LMF1: variants seen among roughly 807,000 people sequenced by gnomAD.
LMF1 encodes lipase maturation factor 1.
Under a neutral mutation model 60.6 loss-of-function variants are expected in LMF1, and 68 were observed. That is an observed-to-expected ratio of 1.12 (90% confidence interval 0.92 to 1.37). The LOEUF (loss-of-function observed/expected upper bound fraction) is 1.37. LMF1 is among the 40% of genes most tolerant of loss of function. The pLI, the probability that LMF1 is intolerant of heterozygous loss-of-function variation, is 0.00. For missense variants in LMF1, 948 were observed against 767.2 expected (o/e 1.24, Z -2.78); for synonymous variants, 418 against 324.7 (o/e 1.29, Z -3.09).
intron 2 of LMF1, among the ~76,000 whole-genome samples, chr16:934,805 C>T (rs946145877): frequency 2.0e-5 from 3 of 152,204 alleles, no homozygotes; most frequent in Non-Finnish European, 4.4e-5. Flanking sequence ...GAGGCAGAGC[C>T]GCGGGAAAGC....
chr16:920,125 G>A lies in LMF1; in HGVS notation c.515-9046C>T, dbSNP rs749089227. 4.6e-5 allele frequency among the ~76,000 whole-genome samples: 7 copies of A among 150,832 alleles called. No homozygotes were observed. The East Asian group carries it at 7.8e-4, about 17-fold the overall frequency. ...AGGACATCCACACCAGCCCTGGCCC[G>A]TCAGCTGGGCCCCCAACAAGACATT... On this transcript the variant is annotated intron_variant, in intron 3 of 10. Coordinates refer to ENST00000262301, the MANE Select transcript of LMF1 (RefSeq NM_022773.4).
chr16:955,336 C>G (rs2072663227), intron 1 of LMF1, among the ~76,000 whole-genome samples: 1 of 151,190 alleles, frequency 6.6e-6, no homozygotes, highest in Non-Finnish European at 1.5e-5. Flanking sequence ...CACACACACA[C>G]ATCTAAGTGA....
exon 1 of LMF1, chr16:981,148 G>T (rs991999944): frequency 2.0e-5 from 9 of 450,750 alleles, no homozygotes; most frequent in African/African-American, 1.6e-4. Flanking sequence ...GCGTTACCTG[G>T]ACGTGCGCTG....
At chr16:971,039 C>G, upstream of LMF1, 1 of 821,290 alleles carries the variant, frequency 1.2e-6, no homozygotes, top group Non-Finnish European at 1.6e-6. Context: ...CGCCCATTCT[C>G]GGAGGCCCCG....
intron 2 of LMF1, among the ~76,000 whole-genome samples, chr16:952,051 G>A (rs965631539): frequency 5.9e-5 from 9 of 152,162 alleles, no homozygotes; most frequent in African/African-American, 9.7e-5. Flanking sequence ...TGGGCGCCTC[G>A]GCAAAGTCAG....
intron 3 of LMF1, among the ~76,000 whole-genome samples, chr16:930,485 C>A (rs1191898898): frequency 3.3e-5 from 5 of 152,198 alleles, no homozygotes; most frequent in Middle Eastern, 6.8e-3. Context: ...CGCCTGAGCC[C>A]GGGAGGTCAA....
intron 3 of LMF1, among the ~76,000 whole-genome samples, chr16:925,036 G>A (rs1304207852): frequency 6.6e-6 from 1 of 152,244 alleles, no homozygotes; most frequent in Non-Finnish European, 1.5e-5. Context: ...CCCGTCCGCA[G>A]AGTGCTGGGT....
At chr16:913,169 C>T (rs1202435472) in intron 3 of LMF1, among the ~76,000 whole-genome samples, 3 of 152,250 alleles carry the variant, frequency 2.0e-5, no homozygotes, top group African/African-American at 7.2e-5. Context: ...TCCCTTTAGC[C>T]AGGGGGACGG....
intron 4 of LMF1, among the ~76,000 whole-genome samples, chr16:904,259 C>T (rs1189866706): frequency 8.2e-6 from 1 of 122,268 alleles, no homozygotes; most frequent in Non-Finnish European, 1.7e-5. Context: ...CTCTGCATCG[C>T]CCACAGGACG....
Position 870,008 on chromosome 16 carries a change from C to A in LMF1, c.1291G>T (p.Ala431Ser). Reference protein sequence around the residue: ...LQGTASSNASAPDAMWEDYEF... With the variant: ...LQGTASSNASSPDAMWEDYEF... Reference sequence around the variant, plus strand: ...TAGTCCTCCCACATGGCATCGGGGGCGCTGGCGTTGGAGCTGGCTGTGCCC... The same window carrying A: ...TAGTCCTCCCACATGGCATCGGGGGAGCTGGCGTTGGAGCTGGCTGTGCCC... The change falls in exon 9 of 11, where the codon GCC becomes TCC. Residue 431 changes from alanine (A) to serine (S), a missense_variant. Physicochemically the swap from Ala to Ser is moderately conservative, Grantham distance 99 (BLOSUM62 1). Transcript: ENST00000262301. The A allele has an allele frequency of 6.2e-7, 1 of 1,612,980 alleles. No homozygotes were observed. The highest frequency in any genetic ancestry group is 1.1e-5 in the South Asian group (1 of 91,086).
chr16:893,475 C>T lies in LMF1; in HGVS notation c.664-403G>A, dbSNP rs75543378. The T allele has an allele frequency of 8.5e-3, 3,778 of 446,858 alleles. 138 individuals are homozygous for T. The highest frequency in any genetic ancestry group is 0.068 in the African/African-American group (3,403 of 50,036). The allele number at this position is 446,858 out of a possible 1,614,324, so 27.7% of individuals were successfully genotyped here. A position where few individuals can be genotyped will look rare whatever the true frequency, so the allele number is the denominator to read the frequency against. ...AGTGCCTCCAGGATGAGCCCAAAGT[C>T]GGAGGGAGCACCCAGTGCACACGCG... On this transcript the variant is annotated intron_variant, in intron 4 of 10. Transcript: ENST00000262301.
intron 3 of LMF1, among the ~76,000 whole-genome samples, chr16:914,682 A>G: frequency 1.6e-3 from 1 of 632 alleles, no homozygotes; most frequent in Non-Finnish European, 4.5e-3. Context: ...CCTCCCTCCC[A>G]TGACCATTGG....
chr16:869,777 C>T, intron 9 of LMF1, 106 bp downstream of exon 9: 1 of 1,187,540 alleles, frequency 8.4e-7, no homozygotes, highest in Non-Finnish European at 1.2e-6. Flanking sequence ...TCCCAGCCTC[C>T]CTCCCCACCA....
chr16:887,311 G>C (rs1312343960), intron 5 of LMF1, among the ~76,000 whole-genome samples: 1 of 152,226 alleles, frequency 6.6e-6, no homozygotes, highest in East Asian at 1.9e-4. Context: ...TGTGAGCCTT[G>C]CGGGGGCAGG....
chr16:892,098 C>T (rs898567320), intron 5 of LMF1, among the ~76,000 whole-genome samples: 14 of 152,214 alleles, frequency 9.2e-5, no homozygotes, highest in Admixed American at 3.3e-4. Context: ...GACCAAGACC[C>T]GGAATCGCAG....
chr16:948,030 A>G (rs1183816209), intron 2 of LMF1, among the ~76,000 whole-genome samples: 1 of 132,858 alleles, frequency 7.5e-6, no homozygotes, highest in African/African-American at 2.8e-5. Context: ...AGTCAGAGAC[A>G]ACGACAGAGT....
Position 962,518 on chromosome 16 carries a change from C to T in LMF1, c.194-7852G>A, listed in dbSNP as rs577646633. The stretch of plus-strand genomic sequence containing the variant: ...CCGGGTGATCAGAAAGCCGTGCGGA[C>T]GTCAGGACCCTGATACGGTGTGACG... On this transcript the variant is annotated intron_variant, in intron 1 of 10. Transcript: ENST00000262301. This position sits in a 1 kb window ranked among gnomAD's most constrained non-coding sequence, Gnocchi z 4.5. 3.3e-5 allele frequency among the ~76,000 whole-genome samples: 5 copies of T among 152,306 alleles called. No homozygotes were observed. Among genetic ancestry groups the T allele is most frequent in the Non-Finnish European group, 5.9e-5 (4 of 68,036 alleles).
At position 854,537 on chromosome 16, in the gene LMF1, G is replaced by A. The variant is rs780935989; in HGVS notation, c.1699C>T (p.Leu567Phe). 1.2e-6 allele frequency: 2 copies of A among 1,607,146 alleles called. No homozygotes were observed. Among genetic ancestry groups the A allele is most frequent in the Non-Finnish European group, 1.7e-6 (2 of 1,178,866 alleles). Residue 567 changes from leucine to phenylalanine, a missense_variant, in exon 11 of 11, where the codon CTC (leucine) becomes TTC (phenylalanine). Physicochemically the swap from Leu to Phe is conservative, Grantham distance 22. Transcript: ENST00000262301. ...RDRGWPLPGPL is the reference protein window; with the variant it reads ...RDRGWPLPGPF Reference sequence around the variant, plus strand: ...CCTTTATTTCTGGTGCACGTCTAGAGGGGCCCGGGCAGAGGCCACCCACGG... The same window carrying A: ...CCTTTATTTCTGGTGCACGTCTAGAAGGGCCCGGGCAGAGGCCACCCACGG...
upstream of LMF1, chr16:981,464 G>T: frequency 3.6e-6 from 1 of 274,962 alleles, no homozygotes; most frequent in Non-Finnish European, 7.8e-6. Context: ...GAGCCGCGCG[G>T]CGCCCGCAGA....
Sources: allele counts gnomAD v4.1 joint callset (sites outside exome capture counted in the v4.1 genomes callset), GRCh38; gene constraint gnomAD v4.1.1; non-coding constraint Gnocchi (gnomAD v3.1); transcripts MANE v1.5; gene names NCBI Gene and HGNC (gene_info 2026-07-23, HGNC 2026-07-21).